The following DMXL2 variants were observed in gnomAD, a reference collection of about 807,000 sequenced individuals.
The protein encoded by DMXL2 is Dmx like 2.
A neutral mutation model predicts 331.1 loss-of-function variants in DMXL2; 103 were observed. The observed-to-expected ratio is 0.31, with a 90% CI of 0.27 to 0.37. The LOEUF (loss-of-function observed/expected upper bound fraction) is 0.37. DMXL2 is among the 10% of genes least tolerant of loss of function. DMXL2 has a pLI of 1.00. For missense variants in DMXL2, 3,171 were observed against 3,642.9 expected, an observed-to-expected ratio of 0.87 and a Z score of 3.33; for synonymous variants, 1,281 against 1,252.1, an observed-to-expected ratio of 1.02 and a Z score of -0.49.
chr15:51,561,194 G>A (rs1196136293), intron 6 of DMXL2, among the ~76,000 whole-genome samples: 3 of 152,188 alleles, frequency 2.0e-5, no homozygotes, highest in African/African-American at 7.2e-5. Flanking sequence ...GATTCAGAGA[G>A]AGAAAGAAAT....
At position 51,574,620 on chromosome 15, in the gene DMXL2, T is replaced by C. The variant is rs546077290; in HGVS notation, c.213+1436A>G. 7.2e-5 allele frequency among the ~76,000 whole-genome samples: 11 copies of C among 152,264 alleles called. No homozygotes were observed. In the South Asian group the frequency reaches 2.3e-3, roughly 32 times the overall value. Reference sequence around the variant, plus strand: ...ACATGTCAATCAATGAATGAATGATTATAACAGACTAATACAAGGTCACCA... The same window carrying C: ...ACATGTCAATCAATGAATGAATGATCATAACAGACTAATACAAGGTCACCA... On this transcript the variant is annotated intron_variant, in intron 2 of 43. Coordinates refer to ENST00000560891, the MANE Select transcript of DMXL2 (RefSeq NM_001378457.1).
Position 51,536,524 on chromosome 15 carries a change from G to A in DMXL2, c.1956C>T (p.His652=), listed in dbSNP as rs1231578707. The A allele has an allele frequency of 1.2e-6, 2 of 1,613,842 alleles. No individual in the cohort carries two copies. The highest frequency in any genetic ancestry group is 1.7e-6 in the Non-Finnish European group (2 of 1,179,886). ...HKFRYCGHRF[H]LNDLACHSVL... The stretch of plus-strand genomic sequence containing the variant: ...CTGAATGACATGCCAGGTCATTGAG[G>A]TGAAATCGATGACCGCAATATCTAA... The change falls in exon 12 of 44, where the codon CAC becomes CAT. Residue 652 remains histidine (H), a synonymous_variant. Coordinates refer to ENST00000560891, the MANE Select transcript of DMXL2 (RefSeq NM_001378457.1).
At chr15:51,519,947 C>T (rs1393069402) in intron 13 of DMXL2, among the ~76,000 whole-genome samples, 5 of 152,062 alleles carry the variant, frequency 3.3e-5, no homozygotes, top group Admixed American at 2.0e-4. Flanking sequence ...CCCTGAACTA[C>T]GTTTTAAGGG....
In DMXL2 at chr15:51,591,885, G is replaced by C. The variant is rs556731419; in HGVS notation, c.88-15704C>G. On this transcript the variant is annotated intron_variant, in intron 1 of 43. Transcript: ENST00000560891. Reference sequence around the variant, plus strand: ...CTCTTAGAAGGAAAACTAGCAAACAGAAAGGACATCCACACCAAAACCCCA... The same window carrying C: ...CTCTTAGAAGGAAAACTAGCAAACACAAAGGACATCCACACCAAAACCCCA... Among the ~76,000 whole-genome samples the C allele has an allele frequency of 6.6e-5, 10 of 152,244 alleles. No individual in the cohort carries two copies. The South Asian group carries it at 2.1e-3, about 32-fold the overall frequency.
chr15:51,569,024 C>T (rs1329792010), intron 2 of DMXL2, among the ~76,000 whole-genome samples: 1 of 152,190 alleles, frequency 6.6e-6, no homozygotes, highest in Non-Finnish European at 1.5e-5. Context: ...TTTCCCTTTG[C>T]TAGCCAAGGG....
chr15:51,535,363 G>T (rs925594379), intron 13 of DMXL2, among the ~76,000 whole-genome samples: 1 of 152,010 alleles, frequency 6.6e-6, no homozygotes, highest in Non-Finnish European at 1.5e-5. Context: ...AGCAAAGTAA[G>T]ACTAACAGAA....
chr15:51,471,464 T>C (rs1170854295), intron 28 of DMXL2, 63 bp from the exon 29 acceptor site: 92 of 1,451,392 alleles, frequency 6.3e-5, no homozygotes, highest in Non-Finnish European at 6.7e-5. Context: ...TTGATAGAGT[T>C]AAGCTTTCTT....
rs2041903223 is a variant in DMXL2, at chr15:51,480,146, G to A, written c.6565-7C>T. 6.6e-7 allele frequency: 1 copy of A among 1,504,218 alleles called. No homozygotes were observed. Among genetic ancestry groups the A allele is most frequent in the Non-Finnish European group, 8.9e-7 (1 of 1,118,582 alleles). The allele number at this position is 1,504,218 out of a possible 1,614,324, so 93.2% of individuals were successfully genotyped here. On this transcript the variant is annotated splice_polypyrimidine_tract_variant and splice_region_variant and intron_variant, in intron 24 of 43. Transcript: ENST00000560891. ...GCTGCTTTACTGTAGTTTCCTGTGGGTGATAGTGAATTATTTTTTTCAAAG... is the reference window on the plus strand; with the variant it reads ...GCTGCTTTACTGTAGTTTCCTGTGGATGATAGTGAATTATTTTTTTCAAAG...
At chr15:51,481,721 C>A (rs2042025116) in intron 23 of DMXL2, 98 bp from the exon 24 acceptor site, 3 of 1,177,830 alleles carry the variant, frequency 2.5e-6, no homozygotes, top group South Asian at 1.7e-5. Context: ...AAAAAAACAA[C>A]ATGTAAATAT....
At chr15:51,517,005 C>A (rs2047072917) in intron 14 of DMXL2, 73 bp downstream of exon 14, 8 of 1,131,534 alleles carry the variant, frequency 7.1e-6, no homozygotes, top group Non-Finnish European at 9.3e-6. Flanking sequence ...CTGAGAATGA[C>A]ATATATCATA....
At chr15:51,608,900 G>A (rs369032458) in intron 1 of DMXL2, among the ~76,000 whole-genome samples, 2 of 152,126 alleles carry the variant, frequency 1.3e-5, no homozygotes, top group African/African-American at 2.4e-5. Context: ...AGGAAGAAAC[G>A]AAGAGCAAAG....
intron 29 of DMXL2, among the ~76,000 whole-genome samples, chr15:51,467,775 A>G (rs1022959722): frequency 4.7e-5 from 7 of 148,420 alleles, no homozygotes; most frequent in Non-Finnish European, 1.0e-4. Flanking sequence ...TGCCCAGGCT[A>G]GAGCGCAGTG....
At chr15:51,505,972 T>C (rs557250011) in intron 16 of DMXL2, among the ~76,000 whole-genome samples, 2 of 152,388 alleles carry the variant, frequency 1.3e-5, no homozygotes, top group South Asian at 4.1e-4. Context: ...ATCAATTTCT[T>C]TGCTTCATAC....
At chr15:51,468,696 TA>T (rs2040823534) in intron 29 of DMXL2, among the ~76,000 whole-genome samples, 1 of 152,210 alleles carries the variant, frequency 6.6e-6, no homozygotes, top group African/African-American at 2.4e-5. Flanking sequence ...TATCATAATT[TA>T]AAACTTTCAC....
intron 20 of DMXL2, among the ~76,000 whole-genome samples, chr15:51,489,482 C>A (rs1475659970): frequency 6.6e-6 from 1 of 151,984 alleles, no homozygotes; most frequent in African/African-American, 2.4e-5. Flanking sequence ...CGTGGTGAAA[C>A]CCCGTCTCTA....
intron 13 of DMXL2, among the ~76,000 whole-genome samples, chr15:51,533,501 C>A (rs553399242): frequency 3.5e-4 from 53 of 152,176 alleles, no homozygotes; most frequent in Admixed American, 3.3e-4. Context: ...TAGCAAAAAA[C>A]TAAAAACAGG....
At chr15:51,576,809 C>T (rs976798149) in intron 1 of DMXL2, among the ~76,000 whole-genome samples, 1 of 151,998 alleles carries the variant, frequency 6.6e-6, no homozygotes, top group Admixed American at 6.6e-5. Flanking sequence ...GGAAACCAAC[C>T]CAAAGTTGTT....
intron 20 of DMXL2, among the ~76,000 whole-genome samples, chr15:51,489,616 T>C (rs1595985280): frequency 6.6e-6 from 1 of 150,786 alleles, no homozygotes; most frequent in Admixed American, 6.6e-5. Context: ...AATCACACCA[T>C]TGCAATCCAG....
At chr15:51,482,564 G>C (rs1049869767) in intron 23 of DMXL2, among the ~76,000 whole-genome samples, 2 of 152,120 alleles carry the variant, frequency 1.3e-5, no homozygotes, top group African/African-American at 4.8e-5. Context: ...GAGGATCCTG[G>C]TGCCCAAACT....
Sources: allele counts gnomAD v4.1 joint callset (sites outside exome capture counted in the v4.1 genomes callset), GRCh38; gene constraint gnomAD v4.1.1; transcripts MANE v1.5; gene names NCBI Gene and HGNC (gene_info 2026-07-23, HGNC 2026-07-21).